RIF1: variants seen among roughly 807,000 people sequenced by gnomAD.
RIF1 encodes the protein replication timing regulatory factor 1.
A neutral mutation model predicts 247.1 loss-of-function variants in RIF1; 45 were observed. That is an observed-to-expected ratio of 0.18 (90% CI 0.14 to 0.23). RIF1 has a LOEUF of 0.23. Among genes scored for constraint, RIF1 ranks in the 10% least tolerant of loss-of-function variants. The probability of loss-of-function intolerance (pLI) is 1.00; values close to 1 mark genes in which losing one functional copy is unlikely to be tolerated. For synonymous variants in RIF1, 1,087 were observed against 978.8 expected (o/e 1.11, Z -2.06); for missense variants, 2,967 against 2,862.5 (o/e 1.04, Z -0.83).
chr2:151,454,813 T>G, intron 21 of RIF1, 82 bp from the exon 22 acceptor site: 2 of 1,005,016 alleles, frequency 2.0e-6, no homozygotes, highest in Non-Finnish European at 2.9e-6. Flanking sequence ...CATTTAAATG[T>G]GAGCTATAAA....
chr2:151,524,519 C>G, the RIF1 span: 929 of 1,613,978 alleles, frequency 5.8e-4, 1 homozygote, highest in Non-Finnish European at 7.5e-4. Flanking sequence ...CCTTACCTCA[C>G]TGGCCTGTTT....
At chr2:151,473,813 T>G in intron 34 of RIF1, 151 bp from the exon 35 acceptor site, 8 of 602,338 alleles carry the variant, frequency 1.3e-5, no homozygotes, top group Non-Finnish European at 2.4e-5. Context: ...CCTACTTTCT[T>G]AGCAGTATTA....
At chr2:151,469,234 A>C (rs991300562) in intron 33 of RIF1, among the ~76,000 whole-genome samples, 1 of 152,138 alleles carries the variant, frequency 6.6e-6, no homozygotes, top group African/African-American at 2.4e-5. Flanking sequence ...TAGATCGTTC[A>C]CTATATCTTG....
downstream of RIF1, among the ~76,000 whole-genome samples, chr2:151,511,127 A>G (rs1045271132): frequency 2.6e-5 from 4 of 152,226 alleles, no homozygotes; most frequent in Admixed American, 1.3e-4. Flanking sequence ...TTCGTTAAAG[A>G]TCAGCAGTGT....
rs1491019445 is a variant in RIF1, at chr2:151,415,584, AAG to A, written c.280+666_280+667del. ...GTCTCAAAAAAAAAAAAAAAAAAAA[AAG>A]GATATTGCTGGGTGCAGTGTCTCAT... On this transcript the variant is annotated intron_variant, in intron 4 of 35. Transcript: ENST00000444746. Among the ~76,000 whole-genome samples, 5 of 15,552 alleles carry A rather than the reference AAG, an allele frequency of 3.2e-4. No homozygotes were observed. The Non-Finnish European group carries it at 0.032, about 101-fold the overall frequency. The allele number at this position is 15,552 out of a possible 152,430, so 10.2% of individuals were successfully genotyped here.
chr2:151,478,092 C>CAAAG lies in RIF1; in HGVS notation c.*3021_*3022insAAAG, dbSNP rs2049015972. On this transcript the variant is annotated 3_prime_UTR_variant, in exon 36 of 36. Coordinates refer to ENST00000444746, the MANE Select transcript of RIF1 (RefSeq NM_018151.5). ...TATTTCAGTGACCTCATTGTTAAAG[C>CAAAG]TGCTTTGCCACTTGTACAAGTTTGA... 1.2e-4 allele frequency: 18 copies of CAAAG among 152,174 alleles called. No homozygotes were observed. Among genetic ancestry groups the CAAAG allele is most frequent in the Admixed American group, 1.2e-3 (18 of 15,268 alleles). The allele number at this position is 152,174 out of a possible 1,614,324, so 9.4% of individuals were successfully genotyped here.
At chr2:151,529,350 T>C in the RIF1 span, 3 of 1,330,716 alleles carry the variant, frequency 2.3e-6, no homozygotes, top group African/African-American at 4.3e-5. Context: ...ATTAATTTTT[T>C]TATAGCAGCA....
chr2:151,534,009 C>T, the RIF1 span, among the ~76,000 whole-genome samples: 1 of 152,180 alleles, frequency 6.6e-6, no homozygotes, highest in African/African-American at 2.4e-5. Context: ...TTCATCTTCA[C>T]CACAGCACAA....
intron 10 of RIF1, chr2:151,496,898 T>C: frequency 6.7e-7 from 1 of 1,498,186 alleles, no homozygotes; most frequent in Non-Finnish European, 9.1e-7. Flanking sequence ...TGAAATAGTT[T>C]TTAAAATCAG....
chr2:151,438,770 ATGT>A lies in RIF1; in HGVS notation c.1546+29_1546+31del, dbSNP rs764007670. On this transcript the variant is annotated intron_variant, in intron 14 of 35. Coordinates refer to ENST00000444746, the MANE Select transcript of RIF1 (RefSeq NM_018151.5). The stretch of plus-strand genomic sequence containing the variant: ...AGGTAAGCACTATTACACTGATCAA[ATGT>A]TGTTTTTTGAAACAGGTGGTGATCA... The A allele has an allele frequency of 8.0e-5, 123 of 1,530,072 alleles. 1 individual carries two copies. Among genetic ancestry groups the A allele is most frequent in the South Asian group, 8.0e-4 (71 of 89,034 alleles). The allele number at this position is 1,530,072 out of a possible 1,614,324, so 94.8% of individuals were successfully genotyped here.
chr2:151,525,899 C>T, the RIF1 span: 1 of 1,326,548 alleles, frequency 7.5e-7, no homozygotes, highest in East Asian at 2.3e-5. Context: ...CATTATTTCA[C>T]CAGATTCTAC....
In RIF1 at chr2:151,505,955, T is replaced by C. The variant is rs564052640; in HGVS notation, c.*862-255T>C. 112 of 591,670 alleles carry C rather than the reference T, an allele frequency of 1.9e-4. No individual in the cohort carries two copies. The African/African-American group carries it at 1.9e-3, about 10-fold the overall frequency. The allele number at this position is 591,670 out of a possible 1,614,324, so 36.7% of individuals were successfully genotyped here. On this transcript the variant is annotated intron_variant and NMD_transcript_variant, in intron 12 of 13. Coordinates refer to the RIF1 transcript ENST00000454583. ...CTACCTTCTCACAAGCCTCTCTGTT[T>C]TTCAGATCTAATCTCTCCCTCATGA...
chr2:151,486,212 A>G (rs2050226622), downstream of RIF1: 1 of 320,598 alleles, frequency 3.1e-6, no homozygotes, highest in Non-Finnish European at 5.8e-6. Context: ...CATTTCTCCA[A>G]AAAAGATAGA....
chr2:151,493,053 T>G (rs1396994691), intron 9 of RIF1: 1 of 290,610 alleles, frequency 3.4e-6, no homozygotes, highest in Non-Finnish European at 6.4e-6. Flanking sequence ...AAATTTGTTA[T>G]AGTTGGTTAC....
chr2:151,493,910 T>TAATC (rs1285895048), intron 9 of RIF1: 2 of 1,280,514 alleles, frequency 1.6e-6, no homozygotes, highest in South Asian at 1.4e-5. Flanking sequence ...TACGAGGTAA[T>TAATC]AATCACTATT....
downstream of RIF1, chr2:151,485,633 C>G (rs922490072): frequency 1.8e-5 from 16 of 883,020 alleles, no homozygotes; most frequent in Non-Finnish European, 2.4e-5. Context: ...ATGGTACTAC[C>G]ATAAATCACA....
rs756213036 is a variant in RIF1, at chr2:151,410,429, G to C, written c.6G>C (p.Thr2=). The change falls in exon 2 of 36, where the codon ACG becomes ACC. Residue 2 remains threonine (T), a synonymous_variant. Transcript: ENST00000444746. The part of the protein sequence containing the change: M[T]ARGQSPLAPL... ...CGGGCCTCAGGGTGGCCGACATGAC[G>C]GCCAGGGGTCAGAGCCCCCTCGCGC... 1 of 1,612,690 alleles carries C rather than the reference G, an allele frequency of 6.2e-7. No individual in the cohort carries two copies. The highest frequency in any genetic ancestry group is 8.5e-7 in the Non-Finnish European group (1 of 1,179,504).
the RIF1 span, among the ~76,000 whole-genome samples, chr2:151,526,759 C>T: frequency 2.4e-4 from 37 of 152,304 alleles, no homozygotes; most frequent in South Asian, 1.2e-3. Context: ...CCCTGCTTGA[C>T]TGCTGGCGCC....
intron 3 of RIF1, 36 bp downstream of exon 3, chr2:151,411,374 G>T (rs2152064278): frequency 7.3e-7 from 1 of 1,369,610 alleles, no homozygotes; most frequent in South Asian, 1.3e-5. Context: ...TTTCACTTTT[G>T]GTAGTTTGGT....
Sources: gnomAD v4.1 joint callset for allele counts (sites outside exome capture counted in the v4.1 genomes callset) on GRCh38, gnomAD v4.1.1 for gene constraint, MANE v1.5 for transcripts, NCBI Gene and HGNC (gene_info 2026-07-23, HGNC 2026-07-21) for gene names.